MYCBP: variants seen among roughly 807,000 people sequenced by gnomAD.
MYCBP encodes C-Myc-binding protein.
MYCBP carries 5 observed loss-of-function variants against 16.8 expected under a neutral mutation model. The ratio of observed to expected loss-of-function variants is 0.30; its 90% CI spans 0.16 to 0.63. The LOEUF (loss-of-function observed/expected upper bound fraction) is 0.63, where lower values mean the gene tolerates loss of function less well. Ranked by LOEUF, MYCBP falls within the 20% of genes least tolerant of loss-of-function variation. The pLI, the probability that MYCBP is intolerant of heterozygous loss-of-function variation, is 0.83. For missense variants in MYCBP, 103 were observed against 121.8 expected, an observed-to-expected ratio of 0.85 and a Z score of 0.73; for synonymous variants, 35 against 43.7, an observed-to-expected ratio of 0.80 and a Z score of 0.79.
chr1:38,864,552 G>T lies in MYCBP; in HGVS notation c.*118C>A. The stretch of plus-strand genomic sequence containing the variant: ...TATGTGTTTTTAACAGAGTGTGATA[G>T]GTGAATTAAACATATTAAAAGAGTT... On this transcript the variant is annotated 3_prime_UTR_variant, in exon 5 of 5. Transcript: ENST00000397572. 9.9e-7 allele frequency: 1 copy of T among 1,006,462 alleles called. No homozygotes were observed. Among genetic ancestry groups the T allele is most frequent in the Non-Finnish European group, 1.5e-6 (1 of 651,298 alleles). The allele number at this position is 1,006,462 out of a possible 1,614,324, so 62.3% of individuals were successfully genotyped here. A position where few individuals can be genotyped will look rare whatever the true frequency, so the allele number is the denominator to read the frequency against.
rs71057153 is a variant in MYCBP, at chr1:38,866,044, C to CTTTTTTTTTTTTTTTTTTT, written c.267+817_267+835dup. Among the ~76,000 whole-genome samples the CTTTTTTTTTTTTTTTTTTT allele has an allele frequency of 1.4e-4, 9 of 65,720 alleles. 2 individuals carry two copies. The highest frequency in any genetic ancestry group is 4.2e-4 in the Admixed American group (2 of 4,794). 43.1% of individuals were successfully genotyped at this position (65,720 alleles called of 152,430 possible). On this transcript the variant is annotated intron_variant, in intron 4 of 4. Transcript: ENST00000397572. ...TAGTAATACAGGTTCCTAAGAACCT[C>CTTTTTTTTTTTTTTTTTTT]TTTTTTTTTTTTTTTTTTTTTGAGA...
intron 4 of MYCBP, 47 bp from the exon 5 acceptor site, chr1:38,864,761 G>T: frequency 6.4e-7 from 1 of 1,567,646 alleles, no homozygotes. Flanking sequence ...ATTCTAAATT[G>T]AGTAAAAAAT....
At chr1:38,873,195 C>A (rs1478164818) in intron 1 of MYCBP, 96 bp downstream of exon 1, 2 of 1,563,042 alleles carry the variant, frequency 1.3e-6, no homozygotes, top group African/African-American at 1.4e-5. Context: ...CGGGGCCCTC[C>A]CGCCCAAACC....
At chr1:38,872,743 C>A in intron 2 of MYCBP, 1 of 494,076 alleles carries the variant, frequency 2.0e-6, no homozygotes, top group Non-Finnish European at 3.6e-6. Flanking sequence ...ATGTCCACTG[C>A]GGCTGCTGGA....
Position 38,867,378 on chromosome 1 carries a change from C to T in MYCBP, c.137+184G>A, listed in dbSNP as rs549971312. On this transcript the variant is annotated intron_variant, in intron 3 of 4. Transcript: ENST00000397572. ...AGGAGAATCGCTTGAAGCCAGGAGG[C>T]GGAGGTTGCAGTAAGCCAAGATTGC... is the stretch of plus-strand genomic sequence containing the variant. 3.4e-5 allele frequency among the ~76,000 whole-genome samples: 5 copies of T among 148,478 alleles called. No individual in the cohort carries two copies. In the East Asian group the frequency reaches 6.0e-4, roughly 18 times the overall value.
intron 2 of MYCBP, among the ~76,000 whole-genome samples, chr1:38,871,473 G>T (rs193017367): frequency 2.3e-4 from 30 of 129,902 alleles, no homozygotes; most frequent in Non-Finnish European, 4.2e-4. Context: ...CTGTTGCCCA[G>T]TGGCACAATC....
intron 2 of MYCBP, among the ~76,000 whole-genome samples, chr1:38,869,373 C>A (rs1642413610): frequency 1.3e-5 from 2 of 152,116 alleles, no homozygotes; most frequent in South Asian, 4.1e-4. Flanking sequence ...CAGGTGTGAG[C>A]CACCACACCT....
In MYCBP at chr1:38,873,300, G is replaced by A; in HGVS notation, c.6C>T (p.Ala2=). 6.2e-7 allele frequency: 1 copy of A among 1,603,192 alleles called. No individual in the cohort carries two copies. The highest frequency in any genetic ancestry group is 8.5e-7 in the Non-Finnish European group (1 of 1,179,006). The change falls in exon 1 of 5, where the codon GCC becomes GCT. Residue 2 remains alanine, a synonymous_variant. Transcript: ENST00000397572. The part of the protein sequence containing the change: M[A]HYKAADSKRE... Reference sequence around the variant, plus strand: ...GCCGCGCCCCCCTCACTTTGTAATGGGCCATAGTGACAGCGGCAGCGGCGT... The same window carrying A: ...GCCGCGCCCCCCTCACTTTGTAATGAGCCATAGTGACAGCGGCAGCGGCGT...
chr1:38,868,862 T>C (rs970567241), intron 2 of MYCBP, among the ~76,000 whole-genome samples: 13 of 152,094 alleles, frequency 8.5e-5, no homozygotes, highest in East Asian at 3.9e-4. Flanking sequence ...GCCGAGATCG[T>C]GCCACTGCAC....
Position 38,864,433 on chromosome 1 carries a change from T to C in MYCBP, c.*237A>G. 1 of 545,214 alleles carries C rather than the reference T, an allele frequency of 1.8e-6. No homozygotes were observed. Among genetic ancestry groups the C allele is most frequent in the Non-Finnish European group, 3.3e-6 (1 of 304,352 alleles). The allele number at this position is 545,214 out of a possible 1,614,324, so 33.8% of individuals were successfully genotyped here. ...CAGAATGTCTTTTAAGGTAATGAGT[T>C]AGATGGCTGTGTTTAGGTTTTGTTC... On this transcript the variant is annotated 3_prime_UTR_variant, in exon 5 of 5. Coordinates refer to ENST00000397572, the MANE Select transcript of MYCBP (RefSeq NM_012333.5).
rs1642351472 is a variant in MYCBP at position 38,866,797 on chromosome 1, C to A, written c.267+83G>T. On this transcript the variant is annotated intron_variant, in intron 4 of 4. Transcript: ENST00000397572. Reference sequence around the variant, plus strand: ...ATTGATATTCACCCACCTCCCTCCCCTCCTGTCCATTTCAGTGAGGTTTTC... The same window carrying A: ...ATTGATATTCACCCACCTCCCTCCCATCCTGTCCATTTCAGTGAGGTTTTC... 7 of 1,130,436 alleles carry A rather than the reference C, an allele frequency of 6.2e-6. No individual in the cohort carries two copies. In the Admixed American group the frequency reaches 1.1e-4, roughly 17 times the overall value. 70.0% of individuals were successfully genotyped at this position (1,130,436 alleles called of 1,614,324 possible).
rs1293972590 is a variant in MYCBP, at chr1:38,863,109, A to G, written c.*1561T>C. 2 of 152,220 alleles carry G rather than the reference A, an allele frequency of 1.3e-5. No homozygotes were observed. Among genetic ancestry groups the G allele is most frequent in the Non-Finnish European group, 2.9e-5 (2 of 68,048 alleles). The allele number at this position is 152,220 out of a possible 1,614,324, so 9.4% of individuals were successfully genotyped here. ...GCACTTAGTCCACTGCTGCCCATGT[A>G]GGAGGCACTCAAATTGGTAAAAGAG... is the stretch of plus-strand genomic sequence containing the variant. On this transcript the variant is annotated 3_prime_UTR_variant, in exon 5 of 5. Coordinates refer to ENST00000397572, the MANE Select transcript of MYCBP (RefSeq NM_012333.5).
At chr1:38,868,666 G>T (rs1324665298) in intron 2 of MYCBP, among the ~76,000 whole-genome samples, 46 of 152,258 alleles carry the variant, frequency 3.0e-4, no homozygotes, top group African/African-American at 1.1e-3. Context: ...AGCACTTTGG[G>T]AGGCCAAGGC....
At chr1:38,865,344 T>A (rs1310304837) in intron 4 of MYCBP, among the ~76,000 whole-genome samples, 1 of 152,242 alleles carries the variant, frequency 6.6e-6, no homozygotes, top group Non-Finnish European at 1.5e-5. Context: ...GTGGCTTGTG[T>A]ACTTGTTTCA....
At chr1:38,865,816 C>T (rs558699074) in intron 4 of MYCBP, among the ~76,000 whole-genome samples, 175 of 152,104 alleles carry the variant, frequency 1.2e-3, no homozygotes, top group African/African-American at 4.1e-3. Context: ...AAAGAAAAAA[C>T]TTTAGCACTA....
chr1:38,867,041 A>G, intron 3 of MYCBP, 32 bp from the exon 4 acceptor site: 1 of 1,581,918 alleles, frequency 6.3e-7, no homozygotes, highest in Non-Finnish European at 8.6e-7. Flanking sequence ...TACTTCTTAG[A>G]CATGAATGAA....
chr1:38,873,236 C>A, intron 1 of MYCBP, 55 bp downstream of exon 1: 1 of 1,591,636 alleles, frequency 6.3e-7, no homozygotes, highest in Non-Finnish European at 8.5e-7. Flanking sequence ...CACCCAGAGC[C>A]GACCAGCGGC....
rs1313578530 is a variant in MYCBP at position 38,862,931 on chromosome 1, A to G, written c.*1739T>C. 1 of 152,234 alleles carries G rather than the reference A, an allele frequency of 6.6e-6. No individual in the cohort carries two copies. Among genetic ancestry groups the G allele is most frequent in the Non-Finnish European group, 1.5e-5 (1 of 68,040 alleles). The allele number at this position is 152,234 out of a possible 1,614,324, so 9.4% of individuals were successfully genotyped here. On this transcript the variant is annotated 3_prime_UTR_variant, in exon 5 of 5. Transcript: ENST00000397572. The stretch of plus-strand genomic sequence containing the variant: ...ATTTTCAACCTGTATCTACCAAGAA[A>G]CTATCATACCAACTAAGGAAGCCAA...
intron 2 of MYCBP, chr1:38,872,679 C>T: frequency 3.2e-6 from 1 of 310,378 alleles, no homozygotes; most frequent in Non-Finnish European, 6.0e-6. Flanking sequence ...ATTCTGAGGA[C>T]TCCATAAAAA....
Sources: gnomAD v4.1 joint callset for allele counts (sites outside exome capture counted in the v4.1 genomes callset) on GRCh38, gnomAD v4.1.1 for gene constraint, MANE v1.5 for transcripts, NCBI Gene and HGNC (gene_info 2026-07-23, HGNC 2026-07-21) for gene names.